Variants in CLUH observed in about 807,000 individuals in gnomAD.
The protein encoded by CLUH is clustered mitochondria protein homolog.
Under a neutral mutation model 139.3 loss-of-function variants are expected in CLUH, and 77 were observed. The observed-to-expected ratio is 0.55, with a 90% confidence interval of 0.46 to 0.67. The LOEUF is 0.67. Among genes scored for constraint, CLUH ranks in the 30% least tolerant of loss-of-function variants. The probability of loss-of-function intolerance (pLI) is 0.00; values close to 1 mark genes in which losing one functional copy is unlikely to be tolerated. For synonymous variants in CLUH, 999 were observed against 801.6 expected, an observed-to-expected ratio of 1.25 and a Z score of -4.16; for missense variants, 1,876 against 1,875.8, an observed-to-expected ratio of 1.00 and a Z score of 0.00.
rs1168061153 is a variant in CLUH at position 2,704,535 on chromosome 17, C to A, written c.130G>T (p.Asp44Tyr). ...ELPSVMLLNGDCPESLKKEAA... is the reference protein window; with the variant it reads ...ELPSVMLLNGYCPESLKKEAA... ...TCCTTCTTCAGGCTCTCTGGGCAGT[C>A]CCCGTTTAAGAGCATGACTGATGGC... Residue 44 changes from aspartate to tyrosine, a missense_variant, in exon 2 of 26, where the codon GAC becomes TAC. Coordinates refer to ENST00000651024, the MANE Select transcript of CLUH (RefSeq NM_001366661.1). This position sits in a 1 kb window ranked among gnomAD's most constrained non-coding sequence, Gnocchi z 5.7. 1 of 1,575,350 alleles carries A rather than the reference C, an allele frequency of 6.3e-7. No homozygotes were observed. The highest frequency in any genetic ancestry group is 1.8e-5 in the Admixed American group (1 of 54,380).
At position 2,692,592 on chromosome 17, in the gene CLUH, G is replaced by A; in HGVS notation, c.3417C>T (p.His1139=). 6.2e-7 allele frequency: 1 copy of A among 1,612,416 alleles called. No homozygotes were observed. Among genetic ancestry groups the A allele is most frequent in the Admixed American group, 1.7e-5 (1 of 59,982 alleles). ...TCACGTCCAGCAGCGCCATCTCGGG[G>A]TGGTCTTCCCCGAACACCAGCAGCA... ...YLMLLVFGED[H]PEMALLDNNI... Residue 1139 remains histidine, a synonymous_variant, in exon 21 of 26, where the codon CAC becomes CAT. Transcript: ENST00000651024.
chr17:2,698,657 G>A (rs1240331152), intron 9 of CLUH, 67 bp from the exon 10 acceptor site: 4 of 1,430,064 alleles, frequency 2.8e-6, no homozygotes, highest in African/African-American at 1.4e-5. Flanking sequence ...ACCTGGCCAA[G>A]CGCACGCACC....
chr17:2,695,003 C>T lies in CLUH; in HGVS notation c.2706G>A (p.Glu902=). The T allele has an allele frequency of 8.7e-6, 14 of 1,613,678 alleles. No homozygotes were observed. Among genetic ancestry groups the T allele is most frequent in the Non-Finnish European group, 1.2e-5 (14 of 1,179,810 alleles). Residue 902 remains glutamate (E), a synonymous_variant, in exon 16 of 26, where the codon GAG becomes GAA. Coordinates refer to ENST00000651024, the MANE Select transcript of CLUH (RefSeq NM_001366661.1). ...PNPVAHLPAD[E]LVSKKRNKRR... ...TCTTATTCCGCTTCTTGGAGACCAG[C>T]TCGTCGGCGGGCAGGTGGGCCACGG...
chr17:2,696,467 C>T lies in CLUH; in HGVS notation c.2257G>A (p.Asp753Asn), dbSNP rs767245609. ...AAGATGTCAGGATTGAAGCGAATGTCGAAGGCGGTGCTGCTGATGGAGCCG... is the reference window on the plus strand; with the variant it reads ...AAGATGTCAGGATTGAAGCGAATGTTGAAGGCGGTGCTGCTGATGGAGCCG... ...AVGSISSTAFDIRFNPDIFSP... is the reference protein window; with the variant it reads ...AVGSISSTAFNIRFNPDIFSP... The change falls in exon 12 of 26, where the codon GAC (aspartate) becomes AAC (asparagine). Residue 753 changes from aspartate to asparagine, a missense_variant. Around this residue, in one of 3 missense-constraint regions of CLUH, gnomAD observed 1,454 missense variants for 1,384.4 expected, o/e 1.05. Coordinates refer to ENST00000651024, the MANE Select transcript of CLUH (RefSeq NM_001366661.1). 6 of 1,595,382 alleles carry T rather than the reference C, an allele frequency of 3.8e-6. No homozygotes were observed. The highest frequency in any genetic ancestry group is 2.3e-5 in the South Asian group (2 of 88,068).
Position 2,703,379 on chromosome 17 carries a change from G to A in CLUH, c.414C>T (p.His138=), listed in dbSNP as rs769606630. 22 of 1,613,450 alleles carry A rather than the reference G, an allele frequency of 1.4e-5. No homozygotes were observed. Among genetic ancestry groups the A allele is most frequent in the Non-Finnish European group, 1.9e-5 (22 of 1,179,820 alleles). The part of the protein sequence containing the change: ...SLHLDGNVLD[H]FSELRSVEGL... ...CCTCGACGCTGCGCAGCTCCGAGAA[G>A]TGGTCCAGCACGTTGCCATCCAGGT... The change falls in exon 3 of 26, where the codon CAC becomes CAT. Residue 138 remains histidine, a synonymous_variant. Coordinates refer to ENST00000651024, the MANE Select transcript of CLUH (RefSeq NM_001366661.1). The surrounding 1 kb of genome is among the most constrained non-coding windows in gnomAD (Gnocchi z 4.2).
At chr17:2,708,362 G>C (rs1567600459) in intron 1 of CLUH, among the ~76,000 whole-genome samples, 2 of 152,144 alleles carry the variant, frequency 1.3e-5, no homozygotes, top group Admixed American at 6.5e-5. Context: ...TCCGGAGAGA[G>C]GGGTGGGGCA....
chr17:2,700,446 G>T lies in CLUH; in HGVS notation c.1202C>A (p.Thr401Lys). 1 of 1,613,012 alleles carries T rather than the reference G, an allele frequency of 6.2e-7. No individual in the cohort carries two copies. Among genetic ancestry groups the T allele is most frequent in the Non-Finnish European group, 8.5e-7 (1 of 1,179,740 alleles). The change falls in exon 9 of 26, where the codon ACG (threonine) becomes AAG (lysine). Residue 401 changes from threonine (T) to lysine (K), a missense_variant. By Grantham distance (78) the Thr-to-Lys change is moderately conservative. Transcript: ENST00000651024. ...GTTCTTGCGAGGCAGCTCCCTCGTC[G>T]TCTGCAGCTCCTCATTCCAGTCTCG... is the stretch of plus-strand genomic sequence containing the variant. Reference protein sequence around the residue: ...QTRDWNEELQTTRELPRKNLP... With the variant: ...QTRDWNEELQKTRELPRKNLP...
chr17:2,694,822 T>TTCCCC, intron 16 of CLUH, 35 bp downstream of exon 16: 22 of 1,346,326 alleles, frequency 1.6e-5, no homozygotes, highest in Non-Finnish European at 2.2e-5. Context: ...ATCTGCCCAA[T>TTCCCC]CCCACCCACC....
intron 16 of CLUH, 35 bp downstream of exon 16, chr17:2,694,822 T>TTCCCCCCCCC (rs1567582063): frequency 3.7e-6 from 5 of 1,346,338 alleles, no homozygotes; most frequent in Non-Finnish European, 5.0e-6. Flanking sequence ...ATCTGCCCAA[T>TTCCCCCCCCC]CCCACCCACC....
In CLUH at chr17:2,701,937, A is replaced by G. The variant is rs1423805796; in HGVS notation, c.596T>C (p.Val199Ala). 3 of 1,613,762 alleles carry G rather than the reference A, an allele frequency of 1.9e-6. No individual in the cohort carries two copies. In the African/African-American group the frequency reaches 4.0e-5, roughly 22 times the overall value. ...ACCTCCCAGGTCGCCGTCGGTGAAG[A>G]CACTCAGGAAGGACAAGGAGTTGCA... is the stretch of plus-strand genomic sequence containing the variant. The part of the protein sequence containing the change: ...VDCNSLSFLS[V>A]FTDGDLGDSG... The change falls in exon 4 of 26, where the codon GTC becomes GCC. Residue 199 changes from valine to alanine, a missense_variant. By Grantham distance (64) the Val-to-Ala change is moderately conservative (BLOSUM62 0). Transcript: ENST00000651024.
Position 2,695,231 on chromosome 17 carries a change from T to C in CLUH, c.2594A>G (p.Lys865Arg). ...LITRSAKHIF[K>R]TYLQGVELSG... Reference sequence around the variant, plus strand: ...GACGGGTGGCACCTGTAAGTACGTCTTGAAGATGTGCTTGGCCGAGCGGGT... The same window carrying C: ...GACGGGTGGCACCTGTAAGTACGTCCTGAAGATGTGCTTGGCCGAGCGGGT... The change falls in exon 15 of 26, where the codon AAG becomes AGG. Residue 865 changes from lysine (K) to arginine (R), a missense_variant. Coordinates refer to ENST00000651024, the MANE Select transcript of CLUH (RefSeq NM_001366661.1). 5.6e-6 allele frequency: 9 copies of C among 1,613,856 alleles called. No homozygotes were observed. The highest frequency in any genetic ancestry group is 7.6e-6 in the Non-Finnish European group (9 of 1,179,840).
rs8077568 is a variant in CLUH at position 2,707,637 on chromosome 17, C to A, written c.101-3073G>T. 3.8e-3 allele frequency: 3,725 copies of A among 985,380 alleles called. 122 individuals carry two copies. The African/African-American group carries it at 0.06, about 16-fold the overall frequency. 61.0% of individuals were successfully genotyped at this position (985,380 alleles called of 1,614,324 possible). On this transcript the variant is annotated intron_variant, in intron 1 of 25. Transcript: ENST00000651024. The surrounding 1 kb of genome is among the most constrained non-coding windows in gnomAD (Gnocchi z 7.4). The stretch of plus-strand genomic sequence containing the variant: ...AGGAGACTGGCTGGCAGGGGCAGGG[C>A]CCAGCAAGGGGGTCCTCTCCTCCGC...
At position 2,691,927 on chromosome 17, in the gene CLUH, C is replaced by G. The variant is rs1253953977; in HGVS notation, c.3655-32G>C. On this transcript the variant is annotated intron_variant, in intron 23 of 25. Coordinates refer to ENST00000651024, the MANE Select transcript of CLUH (RefSeq NM_001366661.1). Reference sequence around the variant, plus strand: ...GGAGGCGGGAAGGGATCAGGCCCCCCCGTGCCCCCGCGGCCCCGCCCCCGC... The same window carrying G: ...GGAGGCGGGAAGGGATCAGGCCCCCGCGTGCCCCCGCGGCCCCGCCCCCGC... 10 of 1,156,222 alleles carry G rather than the reference C, an allele frequency of 8.6e-6. No homozygotes were observed. The African/African-American group carries it at 9.0e-5, about 10-fold the overall frequency. 71.6% of individuals were successfully genotyped at this position (1,156,222 alleles called of 1,614,324 possible). A position where few individuals can be genotyped will look rare whatever the true frequency, so the allele number is the denominator to read the frequency against.
intron 23 of CLUH, 48 bp downstream of exon 23, chr17:2,691,956 G>GCCCCCGCCCCGCCCCGC (rs762374288): frequency 4.5e-5 from 20 of 440,074 alleles, no homozygotes; most frequent in South Asian, 4.2e-4. Flanking sequence ...CCCCCGCCCC[G>GCCCCCGCCCCGCCCCGC]CCACGCCCCC....
rs529423556 is a variant in CLUH at position 2,703,819 on chromosome 17, T to G, written c.304-330A>C. Among the ~76,000 whole-genome samples the G allele has an allele frequency of 7.9e-5, 12 of 152,114 alleles. No individual in the cohort carries two copies. Among genetic ancestry groups the G allele is most frequent in the African/African-American group, 2.9e-4 (12 of 41,486 alleles). ...AACAGCGGGACAGAAGACGGCAGGC[T>G]CGCCCCCGGCCTTGCCCAGTGCTAA... On this transcript the variant is annotated intron_variant, in intron 2 of 25. Coordinates refer to ENST00000651024, the MANE Select transcript of CLUH (RefSeq NM_001366661.1). The surrounding 1 kb of genome is among the most constrained non-coding windows in gnomAD (Gnocchi z 4.2).
intron 7 of CLUH, 111 bp from the exon 8 acceptor site, chr17:2,700,936 C>A (rs1488626128): frequency 1.5e-5 from 21 of 1,440,170 alleles, no homozygotes; most frequent in Non-Finnish European, 1.8e-5. Flanking sequence ...CCCTGAGACA[C>A]TGCCCTGGAG....
At chr17:2,698,698 G>T (rs1286476234) in intron 9 of CLUH, 108 bp from the exon 10 acceptor site, 10 of 1,007,374 alleles carry the variant, frequency 9.9e-6, no homozygotes, top group Non-Finnish European at 1.4e-5. Context: ...GCCTGCCTTG[G>T]AAACCCAAGG....
At position 2,696,824 on chromosome 17, in the gene CLUH, C is replaced by T; in HGVS notation, c.2080G>A (p.Asp694Asn). The T allele has an allele frequency of 6.2e-7, 1 of 1,613,580 alleles. No homozygotes were observed. Among genetic ancestry groups the T allele is most frequent in the Non-Finnish European group, 8.5e-7 (1 of 1,179,888 alleles). The change falls in exon 11 of 26, where the codon GAT becomes AAT. Residue 694 changes from aspartate (D) to asparagine (N), a missense_variant. Around this residue, in one of 3 missense-constraint regions of CLUH, gnomAD observed 1,454 missense variants for 1,384.4 expected, o/e 1.05. Transcript: ENST00000651024. ...GPSSLESKSEDPPGQEAGSEE... is the reference protein window; with the variant it reads ...GPSSLESKSENPPGQEAGSEE... ...CTTCCCGCCTCCTGTCCTGGAGGATCCTCAGACTTGGACTCCAAGGAGGAA... is the reference window on the plus strand; with the variant it reads ...CTTCCCGCCTCCTGTCCTGGAGGATTCTCAGACTTGGACTCCAAGGAGGAA...
rs111330659 is a variant in CLUH, at chr17:2,697,065, T to C, written c.1962-123A>G. ...GGCATAGGGCACCTCCTGGCCGGTGTGCATGAGTCAACGCAGAAAAACCAA... is the reference window on the plus strand; with the variant it reads ...GGCATAGGGCACCTCCTGGCCGGTGCGCATGAGTCAACGCAGAAAAACCAA... On this transcript the variant is annotated intron_variant, in intron 10 of 25. Transcript: ENST00000651024. 9,420 of 732,138 alleles carry C rather than the reference T, an allele frequency of 0.013. 695 individuals are homozygous for C. In the African/African-American group the frequency reaches 0.15, roughly 12 times the overall value. The allele number at this position is 732,138 out of a possible 1,614,324, so 45.4% of individuals were successfully genotyped here.
Sources: allele counts gnomAD v4.1 joint callset (sites outside exome capture counted in the v4.1 genomes callset), GRCh38; gene constraint gnomAD v4.1.1; regional missense constraint gnomAD v4.1.1; non-coding constraint Gnocchi (gnomAD v3.1); transcripts MANE v1.5; gene names NCBI Gene and HGNC (gene_info 2026-07-23, HGNC 2026-07-21).